FGB: variants seen among roughly 807,000 people sequenced by gnomAD.
FGB encodes fibrinogen beta chain.
FGB carries 25 observed loss-of-function variants against 57.9 expected under a neutral mutation model. The ratio of observed to expected loss-of-function variants is 0.43; its 90% CI spans 0.31 to 0.60. FGB has a LOEUF of 0.60. FGB is among the 20% of genes least tolerant of loss of function. FGB has a pLI of 0.08. For synonymous variants in FGB, 203 were observed against 199.2 expected (o/e 1.02, Z -0.16); for missense variants, 536 against 598.4 (o/e 0.90, Z 1.09).
At chr4:154,569,031 G>T in intron 5 of FGB, 151 bp from the exon 6 acceptor site, 1 of 831,486 alleles carries the variant, frequency 1.2e-6, no homozygotes. Flanking sequence ...GATTTTACAA[G>T]TTTACCTCTC....
chr4:154,566,764 A>G, intron 3 of FGB, 92 bp downstream of exon 3: 1 of 1,274,682 alleles, frequency 7.8e-7, no homozygotes. Flanking sequence ...GAAGATTAAC[A>G]TTTCTGGGTT....
chr4:154,567,598 G>A lies in FGB; in HGVS notation c.496G>A (p.Glu166Lys). Residue 166 changes from glutamate (E) to lysine (K), a missense_variant, in exon 4 of 8, where the codon GAA becomes AAA. By Grantham distance (56) the Glu-to-Lys change is moderately conservative. This residue lies in a region of FGB where 354 missense variants were observed against 383.4 expected (regional missense o/e 0.92). Coordinates refer to ENST00000302068, the MANE Select transcript of FGB (RefSeq NM_005141.5). ...QKRQKQVKDN[E>K]NVVNEYSSEL... ...ACATAATTTCATTTTTCCAGATAAT[G>A]AAAATGTAGTCAATGAGTACTCCTC... 1 of 1,584,556 alleles carries A rather than the reference G, an allele frequency of 6.3e-7. No homozygotes were observed. Among genetic ancestry groups the A allele is most frequent in the Non-Finnish European group, 8.7e-7 (1 of 1,153,210 alleles).
At chr4:154,565,195 C>G (rs561285079) in intron 1 of FGB, 10 of 463,256 alleles carry the variant, frequency 2.2e-5, no homozygotes, top group Middle Eastern at 3.3e-4. Flanking sequence ...GATGAGAAAA[C>G]TGGGGCACAG....
chr4:154,565,597 T>A, intron 1 of FGB: 1 of 582,252 alleles, frequency 1.7e-6, no homozygotes, highest in Non-Finnish European at 3.1e-6. Context: ...AAAACTACAC[T>A]GCATCATAGC....
chr4:154,569,350 G>C (rs753887900), intron 6 of FGB, 43 bp downstream of exon 6: 118 of 1,612,422 alleles, frequency 7.3e-5, no homozygotes, highest in Non-Finnish European at 8.9e-5. Flanking sequence ...TATTTGAAAT[G>C]GGATTTTTTT....
intron 1 of FGB, 45 bp downstream of exon 1, chr4:154,563,177 T>TA: frequency 1.3e-6 from 1 of 797,528 alleles, no homozygotes; most frequent in South Asian, 1.6e-5. Flanking sequence ...GTATTATTAA[T>TA]ATAAGATGTA....
chr4:154,566,856 G>A, intron 3 of FGB, 184 bp downstream of exon 3: 1 of 612,378 alleles, frequency 1.6e-6, no homozygotes, highest in East Asian at 2.8e-5. Context: ...TTCCCAGTCT[G>A]ACATCAGCAA....
rs926749281 is a variant in FGB at position 154,571,287 on chromosome 4, G to T, written c.*637G>T. 1.3e-5 allele frequency among the ~76,000 whole-genome samples: 2 copies of T among 151,980 alleles called. No homozygotes were observed. The highest frequency in any genetic ancestry group is 2.9e-5 in the Non-Finnish European group (2 of 68,014). On this transcript the variant is annotated 3_prime_UTR_variant, in exon 8 of 8. Transcript: ENST00000302068. ...GGGAGGCTGAGGCGGGCGGTCACAA[G>T]GTCAGGAGTTCAAGACCAGCCTGAC...
chr4:154,567,983 C>G (rs765922150), intron 4 of FGB, 163 bp downstream of exon 4: 104 of 699,702 alleles, frequency 1.5e-4, no homozygotes, highest in Non-Finnish European at 1.7e-4. Context: ...GTGTTTTGGA[C>G]TGGCCTGGTG....
intron 3 of FGB, 131 bp downstream of exon 3, chr4:154,566,803 A>C: frequency 2.4e-6 from 2 of 839,546 alleles, no homozygotes; most frequent in South Asian, 1.4e-5. Flanking sequence ...GCTTTTGGGC[A>C]CCTTCCCCTG....
intron 2 of FGB, 113 bp from the exon 3 acceptor site, chr4:154,566,376 T>C (rs781227025): frequency 1.1e-5 from 11 of 999,492 alleles, no homozygotes; most frequent in Non-Finnish European, 1.7e-5. Flanking sequence ...GAAAACCAAA[T>C]AATAAATTTT....
chr4:154,568,624 T>G (rs1435650194), intron 5 of FGB, 130 bp downstream of exon 5: 2 of 693,208 alleles, frequency 2.9e-6, no homozygotes, highest in Non-Finnish European at 5.2e-6. Flanking sequence ...AGTGGGCTGA[T>G]AGCTTGAGCC....
Position 154,569,490 on chromosome 4 carries a change from GATTTT to G in FGB, c.959-18_959-14del. On this transcript the variant is annotated intron_variant, in intron 6 of 7. Transcript: ENST00000302068. ...TTTCCCAAAATTTTATTTTTGGTGA[GATTTT>G]ATTTTGTTTTTCTTTTAGGTGAATA... 1 of 1,602,488 alleles carries G rather than the reference GATTTT, an allele frequency of 6.2e-7. No homozygotes were observed. The highest frequency in any genetic ancestry group is 8.5e-7 in the Non-Finnish European group (1 of 1,175,216).
At chr4:154,563,787 G>C (rs1730044152) in intron 1 of FGB, among the ~76,000 whole-genome samples, 1 of 151,860 alleles carries the variant, frequency 6.6e-6, no homozygotes. Context: ...ACTTATTGCT[G>C]TTAATTTGCA....
chr4:154,564,356 A>G (rs1730067969), intron 1 of FGB, among the ~76,000 whole-genome samples: 2 of 152,108 alleles, frequency 1.3e-5, no homozygotes, highest in South Asian at 2.1e-4. Context: ...ACTCTGAAAT[A>G]AAAAGAAAAT....
chr4:154,565,563 G>T (rs1730120108), intron 1 of FGB: 2 of 521,856 alleles, frequency 3.8e-6, no homozygotes, highest in Non-Finnish European at 3.4e-6. Flanking sequence ...ATCTGATACA[G>T]CTTTATCCTA....
intron 3 of FGB, among the ~76,000 whole-genome samples, chr4:154,567,334 CA>C (rs1301383540): frequency 6.6e-6 from 1 of 152,162 alleles, no homozygotes; most frequent in Non-Finnish European, 1.5e-5. Context: ...AAGAAATAAA[CA>C]ACCTATTTCA....
chr4:154,571,553 C>A lies in FGB; in HGVS notation c.*903C>A, dbSNP rs892166968. ...AAATAAACATCAGGATCAGAGATTC[C>A]AAGAGGACAATCTGCATCAAGTCTT... On this transcript the variant is annotated 3_prime_UTR_variant, in exon 8 of 8. Coordinates refer to ENST00000302068, the MANE Select transcript of FGB (RefSeq NM_005141.5). Among the ~76,000 whole-genome samples, 1 of 151,874 alleles carries A rather than the reference C, an allele frequency of 6.6e-6. No individual in the cohort carries two copies. The highest frequency in any genetic ancestry group is 1.5e-5 in the Non-Finnish European group (1 of 67,996).
chr4:154,564,714 C>T (rs1353762990), intron 1 of FGB, among the ~76,000 whole-genome samples: 2 of 151,656 alleles, frequency 1.3e-5, no homozygotes, highest in African/African-American at 4.8e-5. Context: ...CAAATCATGT[C>T]GTTTGTTAAT....
Sources: allele counts gnomAD v4.1 joint callset (sites outside exome capture counted in the v4.1 genomes callset), GRCh38; gene constraint gnomAD v4.1.1; regional missense constraint gnomAD v4.1.1; transcripts MANE v1.5; gene names NCBI Gene and HGNC (gene_info 2026-07-23, HGNC 2026-07-21).